CD9: variants seen among roughly 807,000 people sequenced by gnomAD.
The protein encoded by CD9 is CD9 antigen.
Under a neutral mutation model 31.4 loss-of-function variants are expected in CD9, and 10 were observed. That is an observed-to-expected ratio of 0.32 (90% CI 0.20 to 0.54). The LOEUF (loss-of-function observed/expected upper bound fraction) is 0.54. CD9 is among the 20% of genes least tolerant of loss of function. The probability of loss-of-function intolerance (pLI) is 0.94; values close to 1 mark genes in which losing one functional copy is unlikely to be tolerated. For synonymous variants in CD9, 113 were observed against 114.1 expected (o/e 0.99, Z 0.06); for missense variants, 259 against 300.1 (o/e 0.86, Z 1.01).
At chr12:6,213,711 C>T (rs1946215330) in intron 1 of CD9, among the ~76,000 whole-genome samples, 1 of 152,122 alleles carries the variant, frequency 6.6e-6, no homozygotes, top group Non-Finnish European at 1.5e-5. Flanking sequence ...CTTGTGTAGA[C>T]ACCAGGGGTA....
chr12:6,219,635 G>A lies in CD9; in HGVS notation c.67-5791G>A, dbSNP rs373111104. 1.3e-4 allele frequency among the ~76,000 whole-genome samples: 20 copies of A among 151,646 alleles called. No homozygotes were observed. In the East Asian group the frequency reaches 1.8e-3, roughly 13 times the overall value. On this transcript the variant is annotated intron_variant, in intron 1 of 7. Transcript: ENST00000009180. ...CAAGTAGCTGGTACTACAGGCACCC[G>A]CCACCACGCCCGGCTAATTTTTTGT...
At chr12:6,210,320 G>A (rs530831193) in intron 1 of CD9, among the ~76,000 whole-genome samples, 136 of 152,380 alleles carry the variant, frequency 8.9e-4, no homozygotes, top group African/African-American at 3.1e-3. Flanking sequence ...CAAGGGGAAA[G>A]GAGGATGTGC....
At chr12:6,234,823 G>A (rs1248859973) in intron 4 of CD9, among the ~76,000 whole-genome samples, 1 of 152,248 alleles carries the variant, frequency 6.6e-6, no homozygotes, top group East Asian at 1.9e-4. Context: ...GAGAGGCTTA[G>A]TAATTTGCCA....
intron 2 of CD9, among the ~76,000 whole-genome samples, chr12:6,230,165 G>A (rs1946424599): frequency 6.6e-6 from 1 of 152,132 alleles, no homozygotes; most frequent in Non-Finnish European, 1.5e-5. Context: ...GGCTGCTGCT[G>A]AGTCCCCGAA....
At chr12:6,236,636 G>A (rs996587291) in intron 7 of CD9, 4 of 423,092 alleles carry the variant, frequency 9.5e-6, no homozygotes, top group Admixed American at 7.9e-5. Context: ...AGAGGCTACC[G>A]GCGTGGGAAT....
intron 1 of CD9, among the ~76,000 whole-genome samples, chr12:6,210,564 A>G (rs1315800478): frequency 6.6e-6 from 1 of 152,164 alleles, no homozygotes; most frequent in Non-Finnish European, 1.5e-5. Flanking sequence ...GCTGTCAGGG[A>G]GGAGGCGCGT....
chr12:6,211,649 C>T (rs189133609), intron 1 of CD9, among the ~76,000 whole-genome samples: 5 of 152,234 alleles, frequency 3.3e-5, no homozygotes, highest in African/African-American at 7.2e-5. Context: ...GACAGCTCGG[C>T]GAGGCATACA....
chr12:6,200,427 G>C lies in CD9; in HGVS notation c.-73G>C, dbSNP rs1301487503. 2.1e-6 allele frequency: 2 copies of C among 972,630 alleles called. No homozygotes were observed. The highest frequency in any genetic ancestry group is 3.3e-6 in the Non-Finnish European group (2 of 601,298). 60.2% of individuals were successfully genotyped at this position (972,630 alleles called of 1,614,324 possible). ...CCGCCTGCATCTGTATCCAGCGCCA[G>C]GTCCCGCCAGTCCCAGCTGCGCGCG... On this transcript the variant is annotated 5_prime_UTR_variant, in exon 1 of 8. Coordinates refer to ENST00000009180, the MANE Select transcript of CD9 (RefSeq NM_001769.4).
At chr12:6,203,758 A>G (rs1038253828) in intron 1 of CD9, among the ~76,000 whole-genome samples, 7 of 152,166 alleles carry the variant, frequency 4.6e-5, no homozygotes, top group Non-Finnish European at 1.0e-4. Context: ...TGGTAGACAC[A>G]CAAGTATTTC....
chr12:6,227,171 G>A (rs1449064007), intron 2 of CD9, among the ~76,000 whole-genome samples: 2 of 150,516 alleles, frequency 1.3e-5, no homozygotes, highest in Non-Finnish European at 2.9e-5. Flanking sequence ...GAACTGGGAG[G>A]AAGACACTAA....
chr12:6,217,345 A>G (rs575800367), intron 1 of CD9, among the ~76,000 whole-genome samples: 1 of 151,964 alleles, frequency 6.6e-6, no homozygotes. Context: ...AACACGGTGA[A>G]ACCCTGTCTC....
At chr12:6,210,594 C>T (rs553299747) in intron 1 of CD9, among the ~76,000 whole-genome samples, 63 of 152,152 alleles carry the variant, frequency 4.1e-4, no homozygotes, top group African/African-American at 1.4e-3. Context: ...GCCTTCCTTC[C>T]GGTGCAGATG....
At chr12:6,236,535 G>T in intron 7 of CD9, 2 of 523,386 alleles carry the variant, frequency 3.8e-6, no homozygotes, top group South Asian at 6.1e-5. Context: ...TTAAGGTTCA[G>T]GGCACATGGG....
At chr12:6,206,739 C>T (rs186708859) in intron 1 of CD9, among the ~76,000 whole-genome samples, 33 of 152,224 alleles carry the variant, frequency 2.2e-4, no homozygotes, top group Non-Finnish European at 4.3e-4. Flanking sequence ...CCCCGCCTCT[C>T]CAAAAATACT....
chr12:6,235,723 C>G, intron 6 of CD9, 158 bp downstream of exon 6: 2 of 1,424,934 alleles, frequency 1.4e-6, no homozygotes, highest in Non-Finnish European at 1.8e-6. Context: ...ACTTTGGGCC[C>G]TCTGTTTACT....
chr12:6,230,088 C>T (rs769543607), intron 2 of CD9, among the ~76,000 whole-genome samples: 1 of 152,154 alleles, frequency 6.6e-6, no homozygotes, highest in Non-Finnish European at 1.5e-5. Flanking sequence ...AAAACCAGCC[C>T]GAGCCCTGCA....
intron 1 of CD9, among the ~76,000 whole-genome samples, chr12:6,206,425 T>C (rs1210109995): frequency 6.6e-6 from 1 of 152,192 alleles, no homozygotes; most frequent in Non-Finnish European, 1.5e-5. Flanking sequence ...GATCTCACTA[T>C]GTTGCCCAGG....
chr12:6,235,546 T>G lies in CD9; in HGVS notation c.518T>G (p.Leu173Arg). The G allele has an allele frequency of 2.5e-6, 4 of 1,613,082 alleles. No individual in the cohort carries two copies. The highest frequency in any genetic ancestry group is 3.4e-6 in the Non-Finnish European group (4 of 1,179,186). The change falls in exon 6 of 8, where the codon CTC (leucine) becomes CGC (arginine). Residue 173 changes from leucine to arginine, a missense_variant. Leu to Arg is a moderately radical substitution (Grantham distance 102, BLOSUM62 -2). Transcript: ENST00000009180. ...ISDICPKKDV[L>R]ETFTVKSCPD... Reference sequence around the variant, plus strand: ...GACATCTGCCCCAAGAAGGACGTACTCGAAACCTTCACCGTGAAGGTAAAC... The same window carrying G: ...GACATCTGCCCCAAGAAGGACGTACGCGAAACCTTCACCGTGAAGGTAAAC...
At chr12:6,200,647 CGGCAGCTGGCACTGCCCGCACCG>C (rs1555085621) in intron 1 of CD9, 82 bp downstream of exon 1, 3 of 928,418 alleles carry the variant, frequency 3.2e-6, no homozygotes, top group Non-Finnish European at 5.2e-6. Context: ...CCGCGAGTGC[CGGCAGCTGGCACTGCCCGCACCG>C]GGCAGGCACC....
Sources: allele counts gnomAD v4.1 joint callset (sites outside exome capture counted in the v4.1 genomes callset), GRCh38; gene constraint gnomAD v4.1.1; transcripts MANE v1.5; gene names NCBI Gene and HGNC (gene_info 2026-07-23, HGNC 2026-07-21).